TSC1: variants seen among roughly 807,000 people sequenced by gnomAD.
TSC1 encodes the protein hamartin.
In TSC1, 20 loss-of-function variants were observed where a neutral mutation model predicts 124.3. The observed-to-expected ratio is 0.16, with a 90% CI of 0.11 to 0.23. The LOEUF is 0.23. Among genes scored for constraint, TSC1 ranks in the 10% least tolerant of loss-of-function variants. The probability of loss-of-function intolerance (pLI) is 1.00; values close to 1 mark genes in which losing one functional copy is unlikely to be tolerated. For synonymous variants in TSC1, 493 were observed against 539.1 expected, an observed-to-expected ratio of 0.91 and a Z score of 1.19; for missense variants, 1,124 against 1,448.5, an observed-to-expected ratio of 0.78 and a Z score of 3.64.
intron 2 of TSC1, among the ~76,000 whole-genome samples, chr9:132,931,682 C>G (rs995770876): frequency 1.3e-5 from 2 of 152,192 alleles, no homozygotes; most frequent in African/African-American, 4.8e-5. Flanking sequence ...CTTTTGGAAT[C>G]AGTCCCACAA....
chr9:132,930,147 ACC>A (rs1847126836), intron 2 of TSC1, among the ~76,000 whole-genome samples: 1 of 152,214 alleles, frequency 6.6e-6, no homozygotes, highest in Non-Finnish European at 1.5e-5. Context: ...GAAATGCAAT[ACC>A]TGGGCCCCTT....
intron 15 of TSC1, 131 bp downstream of exon 15, chr9:132,905,450 T>G (rs1255317056): frequency 6.2e-6 from 8 of 1,298,354 alleles, no homozygotes; most frequent in African/African-American, 1.5e-5. Context: ...GAAGGACATC[T>G]GACAAACAGC....
At position 132,893,654 on chromosome 9, in the gene TSC1, T is replaced by G. The variant is rs1423849597; in HGVS notation, c.*2581A>C. 3 of 233,176 alleles carry G rather than the reference T, an allele frequency of 1.3e-5. No individual in the cohort carries two copies. Among genetic ancestry groups the G allele is most frequent in the Non-Finnish European group, 2.5e-5 (3 of 117,964 alleles). 14.4% of individuals were successfully genotyped at this position (233,176 alleles called of 1,614,324 possible). A position where few individuals can be genotyped will look rare whatever the true frequency, so the allele number is the denominator to read the frequency against. ...GGGGATCCGAGTAGGTTATGCACAT[T>G]GGCCAAACAGCTGAGACAGGTATGC... On this transcript the variant is annotated 3_prime_UTR_variant, in exon 23 of 23. Transcript: ENST00000298552.
intron 4 of TSC1, 169 bp downstream of exon 4, chr9:132,927,032 T>C: frequency 3.0e-6 from 2 of 675,042 alleles, no homozygotes; most frequent in African/African-American, 1.8e-5. Flanking sequence ...TCAAGAATCA[T>C]GGGTCCTACA....
In TSC1 at chr9:132,897,355, A is replaced by G; in HGVS notation, c.2814-10T>C. 1 of 1,614,200 alleles carries G rather than the reference A, an allele frequency of 6.2e-7. No homozygotes were observed. The highest frequency in any genetic ancestry group is 8.5e-7 in the Non-Finnish European group (1 of 1,180,042). ...GGCCTGCAGCTGTCCTCTGAAAGAT[A>G]CAGACCAGCCAGAATATAGGAAGTT... is the stretch of plus-strand genomic sequence containing the variant. On this transcript the variant is annotated splice_polypyrimidine_tract_variant and intron_variant, in intron 21 of 22. Coordinates refer to ENST00000298552, the MANE Select transcript of TSC1 (RefSeq NM_000368.5).
chr9:132,921,950 C>G lies in TSC1; in HGVS notation c.532G>C (p.Val178Leu), dbSNP rs118203395. 6.2e-7 allele frequency: 1 copy of G among 1,614,074 alleles called. No individual in the cohort carries two copies. The highest frequency in any genetic ancestry group is 8.5e-7 in the Non-Finnish European group (1 of 1,180,012). Residue 178 changes from valine to leucine, a missense_variant, in exon 7 of 23, where the codon GTC (valine) becomes CTC (leucine). Val to Leu is a conservative substitution (Grantham distance 32, BLOSUM62 1). This residue lies in a region of TSC1 where 463 missense variants were observed against 606.8 expected (regional missense o/e 0.76). Coordinates refer to ENST00000298552, the MANE Select transcript of TSC1 (RefSeq NM_000368.5). This position sits in a 1 kb window ranked among gnomAD's most constrained non-coding sequence, Gnocchi z 4.3. ...KPGHVAEVYL[V>L]HLHASVYALF... ...GCGTACACACTGGCATGGAGATGGA[C>G]GAGATAGACTTCCGCCACGTGGCCT...
In TSC1 at chr9:132,896,583, C is replaced by T. The variant is rs397514831; in HGVS notation, c.3147G>A (p.Glu1049=). 6.2e-7 allele frequency: 1 copy of T among 1,613,880 alleles called. No individual in the cohort carries two copies. The highest frequency in any genetic ancestry group is 8.5e-7 in the Non-Finnish European group (1 of 1,179,922). Residue 1049 remains glutamate (E), a synonymous_variant, in exon 23 of 23, where the codon GAG becomes GAA. Transcript: ENST00000298552. This position sits in a 1 kb window ranked among gnomAD's most constrained non-coding sequence, Gnocchi z 4.5. ...GGCCTGCCCTCTGGTGTGGGGGTTT[C>T]TCTGGGGTAGAAAGCTCGCTGCTGC... ...SSSSSELSTP[E]KPPHQRAGPF... is the part of the protein sequence containing the mutation.
rs137931872 is a variant in TSC1, at chr9:132,902,451, T to C, written c.2391+154A>G. Among the ~76,000 whole-genome samples the C allele has an allele frequency of 1.2e-3, 176 of 152,348 alleles. 1 individual carries two copies. Among genetic ancestry groups the C allele is most frequent in the African/African-American group, 4.1e-3 (170 of 41,570 alleles). ...ACCTCTGTCCTAAGTAAGATTCACCTGCCATGAAGAATTTCTGCCATGATT... is the reference window on the plus strand; with the variant it reads ...ACCTCTGTCCTAAGTAAGATTCACCCGCCATGAAGAATTTCTGCCATGATT... On this transcript the variant is annotated intron_variant, in intron 18 of 22. Transcript: ENST00000298552. The surrounding 1 kb of genome is among the most constrained non-coding windows in gnomAD (Gnocchi z 5.2).
Position 132,894,551 on chromosome 9 carries a change from A to G in TSC1, c.*1684T>C. 1 of 228,874 alleles carries G rather than the reference A, an allele frequency of 4.4e-6. No homozygotes were observed. The allele number at this position is 228,874 out of a possible 1,614,324, so 14.2% of individuals were successfully genotyped here. On this transcript the variant is annotated 3_prime_UTR_variant, in exon 23 of 23. Transcript: ENST00000298552. ...GCCTGTGCTAGGCTGAGTAGTTGGG[A>G]CCACGCCCTGCCACAGGCTGGGAAT...
At chr9:132,932,983 T>C (rs902387295) in intron 2 of TSC1, among the ~76,000 whole-genome samples, 10 of 152,196 alleles carry the variant, frequency 6.6e-5, no homozygotes, top group Admixed American at 1.3e-4. Flanking sequence ...TCAAAAAACA[T>C]GGAAAGCAGG....
In TSC1 at chr9:132,921,871, C is replaced by A. The variant is rs397514834; in HGVS notation, c.611G>T (p.Arg204Leu). Residue 204 changes from arginine to leucine, a missense_variant, in exon 7 of 23, where the codon CGT becomes CTT. Arg to Leu is a moderately radical substitution (Grantham distance 102, BLOSUM62 -2). This residue lies in a region of TSC1 where 463 missense variants were observed against 606.8 expected (regional missense o/e 0.76). Transcript: ENST00000298552. This position sits in a 1 kb window ranked among gnomAD's most constrained non-coding sequence, Gnocchi z 4.3. ...GTTTTCTTTCATACTGTAATGAGAACGCAAAAAGGAGACGAAGTTGCAAGG... is the reference window on the plus strand; with the variant it reads ...GTTTTCTTTCATACTGTAATGAGAAAGCAAAAAGGAGACGAAGTTGCAAGG... ...MYPCNFVSFL[R>L]SHYSMKENLE... 6.2e-7 allele frequency: 1 copy of A among 1,614,082 alleles called. No individual in the cohort carries two copies. Among genetic ancestry groups the A allele is most frequent in the Non-Finnish European group, 8.5e-7 (1 of 1,180,010 alleles).
Position 132,906,217 on chromosome 9 carries a change from C to G in TSC1, c.1439-78G>C. 6.9e-7 allele frequency: 1 copy of G among 1,450,464 alleles called. No homozygotes were observed. Among genetic ancestry groups the G allele is most frequent in the Non-Finnish European group, 9.5e-7 (1 of 1,053,378 alleles). 89.8% of individuals were successfully genotyped at this position (1,450,464 alleles called of 1,614,324 possible). A position where few individuals can be genotyped will look rare whatever the true frequency, so the allele number is the denominator to read the frequency against. On this transcript the variant is annotated intron_variant, in intron 14 of 22. Transcript: ENST00000298552. This position sits in a 1 kb window ranked among gnomAD's most constrained non-coding sequence, Gnocchi z 4.1. ...AAGACTAGGCAGTTTGGGTGGCATG[C>G]TGCCACATGCCAGTGTCACTCAGAG...
chr9:132,940,688 T>G (rs1564514372), intron 1 of TSC1: 1 of 152,240 alleles, frequency 6.6e-6, no homozygotes, highest in Non-Finnish European at 1.5e-5. Context: ...TGTAAGAAGT[T>G]AATGGGGTAT....
At position 132,896,481 on chromosome 9, in the gene TSC1, A is replaced by G. The variant is rs761673589; in HGVS notation, c.3249T>C (p.Ser1083=). 1.7e-5 allele frequency: 27 copies of G among 1,614,202 alleles called. No individual in the cohort carries two copies. In the South Asian group the frequency reaches 2.9e-4, roughly 17 times the overall value. Residue 1083 remains serine (S), a synonymous_variant, in exon 23 of 23, where the codon AGT becomes AGC. Coordinates refer to ENST00000298552, the MANE Select transcript of TSC1 (RefSeq NM_000368.5). The surrounding 1 kb of genome is among the most constrained non-coding windows in gnomAD (Gnocchi z 4.5). ...CCTTCATACCCAGGAAGCTTTTTGA[A>G]CTGGGAAGTGAGCCCACAGTGGTGG... ...SIPTTVGSLP[S]SKSFLGMKAR... is the part of the protein sequence containing the mutation.
chr9:132,919,969 CAGA>C (rs1846458809), intron 8 of TSC1, among the ~76,000 whole-genome samples: 1 of 152,234 alleles, frequency 6.6e-6, no homozygotes, highest in African/African-American at 2.4e-5. Flanking sequence ...TTTTATCCCA[CAGA>C]AGGATTCTGT....
At chr9:132,918,154 A>G (rs1394191728) in intron 8 of TSC1, among the ~76,000 whole-genome samples, 1 of 152,212 alleles carries the variant, frequency 6.6e-6, no homozygotes, top group Admixed American at 6.5e-5. Flanking sequence ...TTGTTTTTAA[A>G]TATAAACCCA....
At chr9:132,919,800 G>A (rs891012061) in intron 8 of TSC1, among the ~76,000 whole-genome samples, 30 of 152,142 alleles carry the variant, frequency 2.0e-4, no homozygotes, top group African/African-American at 7.2e-4. Flanking sequence ...CAAGAGACAG[G>A]CATGTCTCAA....
chr9:132,911,265 T>C, intron 10 of TSC1, 152 bp from the exon 11 acceptor site: 2 of 826,834 alleles, frequency 2.4e-6, no homozygotes, highest in Non-Finnish European at 4.2e-6. Flanking sequence ...AGTTGCATTT[T>C]GTAAATCAAG....
At position 132,911,541 on chromosome 9, in the gene TSC1, G is replaced by A. The variant is rs373454700; in HGVS notation, c.941C>T (p.Thr314Met). The A allele has an allele frequency of 8.9e-5, 143 of 1,607,662 alleles. No individual in the cohort carries two copies. The highest frequency in any genetic ancestry group is 1.2e-4 in the Non-Finnish European group (140 of 1,177,672). ...YGCATSTPYS[T>M]SRLMLLNMPG... Reference sequence around the variant, plus strand: ...CATATTTAACAACATCAGCCGAGACGTGGAGTAAGGGGTAGAAGTAGCACA... The same window carrying A: ...CATATTTAACAACATCAGCCGAGACATGGAGTAAGGGGTAGAAGTAGCACA... The change falls in exon 10 of 23, where the codon ACG becomes ATG. Residue 314 changes from threonine to methionine, a missense_variant. Physicochemically the swap from Thr to Met is moderately conservative, Grantham distance 81. Coordinates refer to ENST00000298552, the MANE Select transcript of TSC1 (RefSeq NM_000368.5).
Sources: gnomAD v4.1 joint callset for allele counts (sites outside exome capture counted in the v4.1 genomes callset) on GRCh38, gnomAD v4.1.1 for gene constraint, gnomAD v4.1.1 regional missense constraint, Gnocchi (gnomAD v3.1) non-coding constraint, MANE v1.5 for transcripts, NCBI Gene and HGNC (gene_info 2026-07-23, HGNC 2026-07-21) for gene names.